Variants in SLC5A10 observed in about 807,000 individuals in gnomAD.
SLC5A10 encodes the protein sodium/mannose cotransporter SLC5A10.
In SLC5A10, 55 loss-of-function variants were observed where a neutral mutation model predicts 68.9. The observed-to-expected ratio is 0.80, with a 90% CI of 0.64 to 1.00. The LOEUF is 1.00. Among genes scored for constraint, SLC5A10 ranks in the 50% least tolerant of loss-of-function variants. SLC5A10 has a pLI of 0.00. For synonymous variants in SLC5A10, 344 were observed against 344.8 expected (o/e 1.00, Z 0.02); for missense variants, 732 against 819.3 (o/e 0.89, Z 1.30).
Position 19,021,842 on chromosome 17 carries a change from A to G in SLC5A10, c.*1411A>G. 9.4e-7 allele frequency: 1 copy of G among 1,066,130 alleles called. No individual in the cohort carries two copies. The highest frequency in any genetic ancestry group is 3.2e-5 in the East Asian group (1 of 31,090). The allele number at this position is 1,066,130 out of a possible 1,614,324, so 66.0% of individuals were successfully genotyped here. A position where few individuals can be genotyped will look rare whatever the true frequency, so the allele number is the denominator to read the frequency against. On this transcript the variant is annotated 3_prime_UTR_variant, in exon 15 of 15. Coordinates refer to ENST00000395645, the MANE Select transcript of SLC5A10 (RefSeq NM_001042450.4). This position sits in a 1 kb window ranked among gnomAD's most constrained non-coding sequence, Gnocchi z 4.1. ...CGGAGGCAGTTAGGAGCCCACGTTC[A>G]GTCCAAGGCCGTCCACTGAGCCCCG...
At chr17:18,995,307 C>T (rs147749469) in intron 9 of SLC5A10, among the ~76,000 whole-genome samples, 63 of 152,020 alleles carry the variant, frequency 4.1e-4, no homozygotes, top group South Asian at 8.3e-4. Context: ...GCCAACAAAT[C>T]GAAATTCAAG....
At position 19,014,957 on chromosome 17, in the gene SLC5A10, G is replaced by GGGCGGGCCTCAGGCATTAGAGCCCA; in HGVS notation, c.1091-85_1091-61dup. 6 of 1,460,520 alleles carry GGGCGGGCCTCAGGCATTAGAGCCCA rather than the reference G, an allele frequency of 4.1e-6. 1 individual carries two copies. The South Asian group carries it at 7.7e-5, about 19-fold the overall frequency. 90.5% of individuals were successfully genotyped at this position (1,460,520 alleles called of 1,614,324 possible). The stretch of plus-strand genomic sequence containing the variant: ...TGCCTTGGAGGAGCATGCAAATGGC[G>GGGCGGGCCTCAGGCATTAGAGCCCA]GGCGGGCCTCAGGCATTAGAGCCCA... On this transcript the variant is annotated intron_variant, in intron 10 of 14. Transcript: ENST00000395645.
chr17:18,972,364 C>G (rs572764080), intron 8 of SLC5A10, among the ~76,000 whole-genome samples: 1 of 152,260 alleles, frequency 6.6e-6, no homozygotes, highest in Non-Finnish European at 1.5e-5. Context: ...TCACAGCGCT[C>G]ACACAAGCCT....
At chr17:18,960,375 G>A (rs114972987) in intron 4 of SLC5A10, among the ~76,000 whole-genome samples, 173 bp from the exon 5 acceptor site, 64 of 152,358 alleles carry the variant, frequency 4.2e-4, no homozygotes, top group Admixed American at 1.2e-3. Context: ...GGAGCAGCCC[G>A]GGATTCCAGG....
chr17:18,971,467 G>A lies in SLC5A10; in HGVS notation c.846+249G>A, dbSNP rs1370952245. On this transcript the variant is annotated intron_variant, in intron 8 of 14. Coordinates refer to ENST00000395645, the MANE Select transcript of SLC5A10 (RefSeq NM_001042450.4). This position sits in a 1 kb window ranked among gnomAD's most constrained non-coding sequence, Gnocchi z 5.5. ...TTAGGTGCTTCGACTGAGACAGTTT[G>A]GAGTATGGGATTCCGAAGGGACTCG... is the stretch of plus-strand genomic sequence containing the variant. 4 of 1,613,912 alleles carry A rather than the reference G, an allele frequency of 2.5e-6. No homozygotes were observed. In the African/African-American group the frequency reaches 4.0e-5, roughly 16 times the overall value.
intron 9 of SLC5A10, among the ~76,000 whole-genome samples, chr17:18,994,515 G>A (rs952430803): frequency 6.6e-6 from 1 of 152,198 alleles, no homozygotes; most frequent in African/African-American, 2.4e-5. Flanking sequence ...GCACACGAAC[G>A]TGAGGAAACT....
At chr17:18,972,396 G>A (rs766937577) in intron 8 of SLC5A10, among the ~76,000 whole-genome samples, 5 of 152,222 alleles carry the variant, frequency 3.3e-5, no homozygotes, top group Non-Finnish European at 5.9e-5. Context: ...CCTACCCTGG[G>A]AGTAGGCCCG....
At position 18,993,114 on chromosome 17, in the gene SLC5A10, C is replaced by T. The variant is rs556302964; in HGVS notation, c.982+16125C>T. ...AGCATGGTGGGAAACCACGGGTGCA[C>T]AGGCCCAGCCTCTGCAGCAGCACCT... On this transcript the variant is annotated intron_variant, in intron 9 of 14. Transcript: ENST00000395645. Among the ~76,000 whole-genome samples, 29 of 152,282 alleles carry T rather than the reference C, an allele frequency of 1.9e-4. No individual in the cohort carries two copies. The South Asian group carries it at 6.0e-3, about 32-fold the overall frequency.
Position 19,004,106 on chromosome 17 carries a change from C to T in SLC5A10, c.983-9304C>T, listed in dbSNP as rs1017964798. The T allele has an allele frequency of 1.2e-5, 18 of 1,481,984 alleles. No individual in the cohort carries two copies. The South Asian group carries it at 2.3e-4, about 19-fold the overall frequency. The allele number at this position is 1,481,984 out of a possible 1,614,324, so 91.8% of individuals were successfully genotyped here. On this transcript the variant is annotated intron_variant, in intron 9 of 14. Coordinates refer to ENST00000395645, the MANE Select transcript of SLC5A10 (RefSeq NM_001042450.4). The surrounding 1 kb of genome is among the most constrained non-coding windows in gnomAD (Gnocchi z 5.4). The stretch of plus-strand genomic sequence containing the variant: ...GCAAGGTCCAGCTCCTAGCTCCGGC[C>T]CAGCTGGGGCACCGCGCGCTCGGGG...
At chr17:18,987,171 C>T (rs562297716) in intron 9 of SLC5A10, among the ~76,000 whole-genome samples, 2 of 152,232 alleles carry the variant, frequency 1.3e-5, no homozygotes, top group African/African-American at 4.8e-5. Flanking sequence ...CCTAGGACCA[C>T]AAGCCTGAAA....
intron 9 of SLC5A10, among the ~76,000 whole-genome samples, chr17:18,996,000 G>C (rs899354857): frequency 4.0e-5 from 6 of 151,296 alleles, no homozygotes; most frequent in African/African-American, 1.5e-4. Context: ...ATCACTTAAA[G>C]TCAGTAACAA....
rs559966334 is a variant in SLC5A10, at chr17:18,969,492, G to A, written c.640+70G>A. 9.1e-6 allele frequency: 13 copies of A among 1,427,558 alleles called. No individual in the cohort carries two copies. In the East Asian group the frequency reaches 1.1e-4, roughly 13 times the overall value. The allele number at this position is 1,427,558 out of a possible 1,614,324, so 88.4% of individuals were successfully genotyped here. A position where few individuals can be genotyped will look rare whatever the true frequency, so the allele number is the denominator to read the frequency against. On this transcript the variant is annotated intron_variant, in intron 7 of 14. Coordinates refer to ENST00000395645, the MANE Select transcript of SLC5A10 (RefSeq NM_001042450.4). ...AGCCCTTTGGAGTCTGGCACTGCCC[G>A]GCACTGTGCAGGATTCATGCCGTTG...
rs143473093 is a variant in SLC5A10, at chr17:19,008,452, G to A, written c.983-4958G>A. On this transcript the variant is annotated intron_variant, in intron 9 of 14. Transcript: ENST00000395645. ...ATTGAGGGTAGGTTTTTGGCCTATA[G>A]ATGTTCTCAGAATTCTGAGTTTTTA... Among the ~76,000 whole-genome samples, 13 of 151,708 alleles carry A rather than the reference G, an allele frequency of 8.6e-5. No homozygotes were observed. In the Middle Eastern group the frequency reaches 0.017, roughly 201 times the overall value.
Position 18,959,624 on chromosome 17 carries a change from A to T in SLC5A10, c.309A>T (p.Ala103=), listed in dbSNP as rs369661517. 6.8e-6 allele frequency: 11 copies of T among 1,613,854 alleles called. No homozygotes were observed. In the Admixed American group the frequency reaches 1.8e-4, roughly 27 times the overall value. The change falls in exon 4 of 15, where the codon GCA becomes GCT. Residue 103 remains alanine, a synonymous_variant. Transcript: ENST00000395645. ...FEWNATYVLL[A]LAWVFVPIYI... is the part of the protein sequence containing the mutation. ...CATAGGCCACGTACGTGCTGCTGGC[A>T]CTGGCATGGGTGTTCGTGCCCATCT...
At chr17:18,952,125 C>T, upstream of SLC5A10, 1 of 1,526,542 alleles carries the variant, frequency 6.6e-7, no homozygotes, top group Non-Finnish European at 8.8e-7. Context: ...GATCAATGAG[C>T]TCCCTGCCAG....
intron 5 of SLC5A10, among the ~76,000 whole-genome samples, chr17:18,964,757 TGACCAA>T (rs2042677232): frequency 6.6e-6 from 1 of 151,858 alleles, no homozygotes; most frequent in Admixed American, 6.6e-5. Flanking sequence ...GGGGCAGCAA[TGACCAA>T]GAGCGGAGAG....
intron 9 of SLC5A10, among the ~76,000 whole-genome samples, chr17:18,989,125 C>T (rs1331541560): frequency 6.6e-6 from 1 of 152,242 alleles, no homozygotes. Context: ...CAGCCGCCTA[C>T]ACTGCTGATG....
intron 9 of SLC5A10, among the ~76,000 whole-genome samples, chr17:18,984,282 C>G (rs2043210863): frequency 6.9e-6 from 1 of 145,182 alleles, no homozygotes; most frequent in African/African-American, 2.6e-5. Flanking sequence ...GCAGAGCTTG[C>G]AGTTCACGCC....
rs772573560 is a variant in SLC5A10 at position 18,971,265 on chromosome 17, T to C, written c.846+47T>C. The C allele has an allele frequency of 1.2e-6, 2 of 1,611,966 alleles. No individual in the cohort carries two copies. The highest frequency in any genetic ancestry group is 1.1e-5 in the South Asian group (1 of 91,044). On this transcript the variant is annotated intron_variant, in intron 8 of 14. Coordinates refer to ENST00000395645, the MANE Select transcript of SLC5A10 (RefSeq NM_001042450.4). This position sits in a 1 kb window ranked among gnomAD's most constrained non-coding sequence, Gnocchi z 5.5. ...CCATCCCACCTTCCTGCCGTCCCAG[T>C]GGGCTCTGGTAGGCCCAGGCGGCCT... is the stretch of plus-strand genomic sequence containing the variant.
Sources: allele counts gnomAD v4.1 joint callset (sites outside exome capture counted in the v4.1 genomes callset), GRCh38; gene constraint gnomAD v4.1.1; non-coding constraint Gnocchi (gnomAD v3.1); transcripts MANE v1.5; gene names NCBI Gene and HGNC (gene_info 2026-07-23, HGNC 2026-07-21).